Variants in CCDC180 observed in about 807,000 individuals in gnomAD.
The protein encoded by CCDC180 is coiled-coil domain containing 180, also known as coiled-coil domain-containing protein 180.
A neutral mutation model predicts 209.2 loss-of-function variants in CCDC180; 154 were observed. The observed-to-expected ratio is 0.74, with a 90% CI of 0.65 to 0.84. The LOEUF (loss-of-function observed/expected upper bound fraction) is 0.84, where lower values mean the gene tolerates loss of function less well. Among genes scored for constraint, CCDC180 ranks in the 40% least tolerant of loss-of-function variants. The probability of loss-of-function intolerance (pLI) is 0.00; values close to 1 mark genes in which losing one functional copy is unlikely to be tolerated. For synonymous variants in CCDC180, 778 were observed against 749.1 expected (o/e 1.04, Z -0.63); for missense variants, 1,874 against 1,997.3 (o/e 0.94, Z 1.18).
intron 31 of CCDC180, among the ~76,000 whole-genome samples, chr9:97,367,417 C>T (rs1826953639): frequency 6.6e-6 from 1 of 151,508 alleles, no homozygotes; most frequent in Non-Finnish European, 1.5e-5. Flanking sequence ...CACTTCCCAG[C>T]TGTATTACCT....
intron 17 of CCDC180, 57 bp downstream of exon 17, chr9:97,330,250 G>A: frequency 1.2e-6 from 2 of 1,610,244 alleles, no homozygotes; most frequent in Non-Finnish European, 1.7e-6. Flanking sequence ...ACGCGTTTGT[G>A]GGTTGGGAGG....
Position 97,317,120 on chromosome 9 carries a change from A to G in CCDC180, c.851A>G (p.Asn284Ser), listed in dbSNP as rs997398814. 1.2e-6 allele frequency: 2 copies of G among 1,613,440 alleles called. No individual in the cohort carries two copies. Among genetic ancestry groups the G allele is most frequent in the East Asian group, 2.2e-5 (1 of 44,874 alleles). The change falls in exon 9 of 37, where the codon AAC becomes AGC. Residue 284 changes from asparagine to serine, a missense_variant. Physicochemically the swap from Asn to Ser is conservative, Grantham distance 46 (BLOSUM62 1). Transcript: ENST00000529487. ...NRKALAQLFV[N>S]LMESTLQQEL... is the part of the protein sequence containing the mutation. ...AAGGCTCTCGCCCAGCTGTTTGTCA[A>G]CCTGATGGAGTCCACCCTGCAGCAG...
chr9:97,376,895 C>G lies in CCDC180; in HGVS notation c.*1C>G, dbSNP rs1470666758. 1 of 1,610,176 alleles carries G rather than the reference C, an allele frequency of 6.2e-7. No individual in the cohort carries two copies. Among genetic ancestry groups the G allele is most frequent in the South Asian group, 1.1e-5 (1 of 90,840 alleles). Reference sequence around the variant, plus strand: ...CACTATCCAAGGCCTGTATGTGTGACCCTCCGCCCCACCATGAATAAACAC... The same window carrying G: ...CACTATCCAAGGCCTGTATGTGTGAGCCTCCGCCCCACCATGAATAAACAC... On this transcript the variant is annotated 3_prime_UTR_variant, in exon 37 of 37. Transcript: ENST00000529487.
intron 21 of CCDC180, among the ~76,000 whole-genome samples, chr9:97,349,810 C>G (rs941593010): frequency 3.3e-5 from 5 of 152,136 alleles, no homozygotes; most frequent in Admixed American, 3.3e-4. Context: ...AGTGTCTACG[C>G]AGCCATCAGG....
In CCDC180 at chr9:97,318,362, T is replaced by C. The variant is rs940607531; in HGVS notation, c.960-101T>C. ...GCTGGGGGTGGTGTTAGGGAAGGAG[T>C]GCTGAGGCTCTGAATGCTGTCACCA... On this transcript the variant is annotated intron_variant, in intron 9 of 36. Transcript: ENST00000529487. The C allele has an allele frequency of 6.3e-6, 9 of 1,428,836 alleles. No individual in the cohort carries two copies. The African/African-American group carries it at 1.3e-4, about 20-fold the overall frequency. 88.5% of individuals were successfully genotyped at this position (1,428,836 alleles called of 1,614,324 possible). A position where few individuals can be genotyped will look rare whatever the true frequency, so the allele number is the denominator to read the frequency against.
chr9:97,370,411 A>T (rs1310590695), intron 32 of CCDC180, among the ~76,000 whole-genome samples: 1 of 151,924 alleles, frequency 6.6e-6, no homozygotes, highest in Non-Finnish European at 1.5e-5. Flanking sequence ...ACTGGACTAA[A>T]ACTCTGATTG....
rs1826532256 is a variant in CCDC180, at chr9:97,354,940, G to A, written c.3196G>A (p.Val1066Met). 6.2e-7 allele frequency: 1 copy of A among 1,614,218 alleles called. No homozygotes were observed. Among genetic ancestry groups the A allele is most frequent in the South Asian group, 1.1e-5 (1 of 91,080 alleles). The stretch of plus-strand genomic sequence containing the variant: ...TGAAAGCAAATTCCATAACCTGTCT[G>A]TGGACCTTATTTTCATAGAGAAAAT... ...KFESKFHNLS[V>M]DLIFIEKIQR... Residue 1066 changes from valine to methionine, a missense_variant, in exon 24 of 37, where the codon GTG becomes ATG. Transcript: ENST00000529487.
At chr9:97,357,119 G>T (rs1039699245) in intron 24 of CCDC180, among the ~76,000 whole-genome samples, 7 of 152,228 alleles carry the variant, frequency 4.6e-5, no homozygotes, top group Non-Finnish European at 8.8e-5. Context: ...CACTTGCCAG[G>T]ACAGTCTGAC....
rs970228301 is a variant in CCDC180, at chr9:97,375,670, C to T, written c.4842+81C>T. The T allele has an allele frequency of 2.5e-5, 39 of 1,569,244 alleles. 1 individual carries two copies. Among genetic ancestry groups the T allele is most frequent in the Admixed American group, 6.9e-5 (4 of 58,070 alleles). Reference sequence around the variant, plus strand: ...TGGGAAGGGGGAGCTTCCCATCACCCGGCACCCAACATTTGGCTGGTGCAG... The same window carrying T: ...TGGGAAGGGGGAGCTTCCCATCACCTGGCACCCAACATTTGGCTGGTGCAG... On this transcript the variant is annotated intron_variant, in intron 36 of 36. Coordinates refer to ENST00000529487, the MANE Select transcript of CCDC180 (RefSeq NM_020893.6).
At chr9:97,347,114 C>T (rs74451262) in intron 19 of CCDC180, among the ~76,000 whole-genome samples, 200 bp from the exon 20 acceptor site, 106 of 152,324 alleles carry the variant, frequency 7.0e-4, no homozygotes, top group African/African-American at 2.2e-3. Flanking sequence ...AGAAACAATT[C>T]TACATCTGAC....
chr9:97,376,998 C>T lies in CCDC180; in HGVS notation c.*104C>T, dbSNP rs553749069. 506 of 1,341,912 alleles carry T rather than the reference C, an allele frequency of 3.8e-4. 8 individuals are homozygous for T. The South Asian group carries it at 6.5e-3, about 17-fold the overall frequency. 83.1% of individuals were successfully genotyped at this position (1,341,912 alleles called of 1,614,324 possible). ...CCATCCCTCCCTCCCTTCATCCCTC[C>T]ACCCCTGCTCTGTGCCGGGCACTGT... On this transcript the variant is annotated 3_prime_UTR_variant, in exon 37 of 37. Transcript: ENST00000529487.
chr9:97,318,472 G>A lies in CCDC180; in HGVS notation c.969G>A (p.Met323Ile), dbSNP rs538935903. The change falls in exon 10 of 37, where the codon ATG (methionine) becomes ATA (isoleucine). Residue 323 changes from methionine to isoleucine, a missense_variant. Met to Ile is a conservative substitution (Grantham distance 10, BLOSUM62 1). Transcript: ENST00000529487. ...CATGTCTGGCCACCAGTGAGTTCAT[G>A]GCCAGTGAGAGTATCCATACTCCCC... ...EALLQSFSEF[M>I]ASESIHTPPA... 3.1e-6 allele frequency: 5 copies of A among 1,613,528 alleles called. No homozygotes were observed. The highest frequency in any genetic ancestry group is 4.2e-6 in the Non-Finnish European group (5 of 1,179,812).
rs751583337 is a variant in CCDC180 at position 97,366,708 on chromosome 9, T to C, written c.4189+8T>C. The C allele has an allele frequency of 6.2e-6, 10 of 1,613,566 alleles. No individual in the cohort carries two copies. In the South Asian group the frequency reaches 1.1e-4, roughly 18 times the overall value. ...ACAACTCCTGCCTCATAGGTGAGTA[T>C]AGGCAGCAGGAAGGCACGGGGAACA... On this transcript the variant is annotated splice_region_variant and intron_variant, in intron 31 of 36. Transcript: ENST00000529487. This position sits in a 1 kb window ranked among gnomAD's most constrained non-coding sequence, Gnocchi z 4.3.
At chr9:97,340,727 G>A (rs1693460273) in intron 18 of CCDC180, among the ~76,000 whole-genome samples, 1 of 152,186 alleles carries the variant, frequency 6.6e-6, no homozygotes, top group Admixed American at 6.5e-5. Context: ...CCTGTTGCCA[G>A]GCGGACCATG....
At chr9:97,355,311 T>C (rs887650087) in intron 24 of CCDC180, among the ~76,000 whole-genome samples, 1 of 152,010 alleles carries the variant, frequency 6.6e-6, no homozygotes, top group East Asian at 1.9e-4. Flanking sequence ...CACGCCACCA[T>C]GCCCAGCCAA....
intron 11 of CCDC180, 29 bp downstream of exon 11, chr9:97,320,234 C>G: frequency 6.3e-7 from 1 of 1,585,292 alleles, no homozygotes; most frequent in Non-Finnish European, 8.7e-7. Context: ...ACTCCACCTG[C>G]ATTTCTCCAG....
At chr9:97,355,106 G>A (rs983995745) in intron 24 of CCDC180, 98 bp downstream of exon 24, 41 of 753,098 alleles carry the variant, frequency 5.4e-5, no homozygotes, top group Admixed American at 1.1e-4. Flanking sequence ...TCTCTGTCCC[G>A]TGTGTGGGAC....
Position 97,317,132 on chromosome 9 carries a change from C to A in CCDC180, c.863C>A (p.Ser288Tyr). ...LAQLFVNLME[S>Y]TLQQELDSRH... ...CAGCTGTTTGTCAACCTGATGGAGT[C>A]CACCCTGCAGCAGGAGCTGGACAGC... Residue 288 changes from serine to tyrosine, a missense_variant, in exon 9 of 37, where the codon TCC becomes TAC. Physicochemically the swap from Ser to Tyr is moderately radical, Grantham distance 144 (BLOSUM62 -2). Transcript: ENST00000529487. 1 of 1,613,418 alleles carries A rather than the reference C, an allele frequency of 6.2e-7. No homozygotes were observed. Among genetic ancestry groups the A allele is most frequent in the African/African-American group, 1.3e-5 (1 of 75,052 alleles).
chr9:97,315,570 C>A (rs1175160591), intron 8 of CCDC180, among the ~76,000 whole-genome samples: 3 of 152,208 alleles, frequency 2.0e-5, no homozygotes, highest in Non-Finnish European at 4.4e-5. Flanking sequence ...AAGTCTAACT[C>A]CTCTGCTGCT....
Sources: allele counts gnomAD v4.1 joint callset (sites outside exome capture counted in the v4.1 genomes callset), GRCh38; gene constraint gnomAD v4.1.1; non-coding constraint Gnocchi (gnomAD v3.1); transcripts MANE v1.5; gene names NCBI Gene and HGNC (gene_info 2026-07-23, HGNC 2026-07-21).